Variants in TAS2R1 observed in about 807,000 individuals in gnomAD.
TAS2R1 encodes taste 2 receptor member 1, also known as taste receptor type 2 member 1.
For synonymous variants in TAS2R1, 141 were observed against 134.2 expected (o/e 1.05, Z -0.35); for missense variants, 370 against 353.4 (o/e 1.05, Z -0.38).
chr5:9,725,159 C>T, the TAS2R1 span, among the ~76,000 whole-genome samples: 4 of 152,240 alleles, frequency 2.6e-5, no homozygotes, highest in Admixed American at 6.5e-5. Flanking sequence ...GTGGTGACAG[C>T]GAGCCCTTGC....
At chr5:9,695,027 A>G (rs1430195254) in intron 1 of TAS2R1, among the ~76,000 whole-genome samples, 1 of 152,176 alleles carries the variant, frequency 6.6e-6, no homozygotes, top group African/African-American at 2.4e-5. Flanking sequence ...TCAAATCCCA[A>G]GGGCACTGTT....
the TAS2R1 span, among the ~76,000 whole-genome samples, chr5:9,876,585 T>G: frequency 1.3e-5 from 2 of 152,214 alleles, no homozygotes; most frequent in Admixed American, 6.5e-5. Context: ...GAACATTGCC[T>G]TTGCTGGTGG....
At chr5:9,870,812 G>T in the TAS2R1 span, among the ~76,000 whole-genome samples, 1 of 152,158 alleles carries the variant, frequency 6.6e-6, no homozygotes, top group African/African-American at 2.4e-5. Flanking sequence ...GGATGAATGA[G>T]AGGATCAAAT....
At chr5:9,850,113 C>G in the TAS2R1 span, among the ~76,000 whole-genome samples, 1 of 152,164 alleles carries the variant, frequency 6.6e-6, no homozygotes, top group African/African-American at 2.4e-5. Context: ...CTTTCCCACC[C>G]TCAAAGCGCA....
chr5:9,757,582 T>C, the TAS2R1 span, among the ~76,000 whole-genome samples: 1 of 152,208 alleles, frequency 6.6e-6, no homozygotes, highest in African/African-American at 2.4e-5. Context: ...CTCTTCAGCA[T>C]GTAGAATTAT....
At chr5:9,662,907 T>C (rs1209540348) in intron 1 of TAS2R1, among the ~76,000 whole-genome samples, 1 of 152,208 alleles carries the variant, frequency 6.6e-6, no homozygotes, top group Non-Finnish European at 1.5e-5. Flanking sequence ...AGGGATTCTA[T>C]CTACAAACTG....
At position 9,629,120 on chromosome 5, in the gene TAS2R1, T is replaced by C. The variant is rs1561363456; in HGVS notation, c.*13A>G. ...TTGAATCATGGGTTCTTTGAACTGA[T>C]CCAACTTCTCTCTCACTGACAGCAC... On this transcript the variant is annotated 3_prime_UTR_variant, in exon 1 of 1. Transcript: ENST00000382492. 2 of 1,535,034 alleles carry C rather than the reference T, an allele frequency of 1.3e-6. No individual in the cohort carries two copies. The highest frequency in any genetic ancestry group is 1.3e-5 in the South Asian group (1 of 76,862).
At chr5:9,782,414 C>T in the TAS2R1 span, among the ~76,000 whole-genome samples, 1 of 151,282 alleles carries the variant, frequency 6.6e-6, no homozygotes, top group Non-Finnish European at 1.5e-5. Flanking sequence ...AAACCTGATG[C>T]CCTTACCAAG....
intron 1 of TAS2R1, among the ~76,000 whole-genome samples, chr5:9,666,151 C>T (rs1435397908): frequency 6.6e-6 from 1 of 151,806 alleles, no homozygotes; most frequent in Non-Finnish European, 1.5e-5. Context: ...AGAGATTTTT[C>T]AAAATATGTT....
chr5:9,902,873 G>GA, the TAS2R1 span: 30 of 151,564 alleles, frequency 2.0e-4, no homozygotes, highest in African/African-American at 6.1e-4. Flanking sequence ...GGCTATCGGA[G>GA]AAAAAATCAC....
chr5:9,755,945 C>T, the TAS2R1 span, among the ~76,000 whole-genome samples: 2 of 152,162 alleles, frequency 1.3e-5, no homozygotes, highest in African/African-American at 4.8e-5. Flanking sequence ...GCTTTATCAG[C>T]AATGTCTTTA....
At chr5:9,830,960 T>C in the TAS2R1 span, among the ~76,000 whole-genome samples, 1 of 152,314 alleles carries the variant, frequency 6.6e-6, no homozygotes, top group Non-Finnish European at 1.5e-5. Flanking sequence ...TTCCTATGCA[T>C]ATGAATTTTT....
At chr5:9,743,808 C>A in the TAS2R1 span, among the ~76,000 whole-genome samples, 1 of 151,796 alleles carries the variant, frequency 6.6e-6, no homozygotes, top group African/African-American at 2.4e-5. Context: ...ATGGATGTTA[C>A]CAAAGGCAAG....
chr5:9,883,446 G>A, the TAS2R1 span: 4 of 152,220 alleles, frequency 2.6e-5, no homozygotes, highest in African/African-American at 9.7e-5. Context: ...AGGCTCAAAT[G>A]AGGGGAAAAC....
chr5:9,632,236 T>C (rs1262071726), upstream of TAS2R1, among the ~76,000 whole-genome samples: 2 of 152,236 alleles, frequency 1.3e-5, no homozygotes, highest in African/African-American at 4.8e-5. Flanking sequence ...AAGTGTGCAA[T>C]AGCACTATGT....
chr5:9,672,063 G>C (rs1364652377), intron 1 of TAS2R1, among the ~76,000 whole-genome samples: 1 of 152,132 alleles, frequency 6.6e-6, no homozygotes. Flanking sequence ...TTCAATAAAT[G>C]ATGGTGGGAT....
the TAS2R1 span, among the ~76,000 whole-genome samples, chr5:9,856,073 TC>T: frequency 3.9e-5 from 6 of 152,314 alleles, no homozygotes; most frequent in African/African-American, 1.4e-4. Flanking sequence ...AACTTGCATT[TC>T]TAACAATGGT....
the TAS2R1 span, among the ~76,000 whole-genome samples, chr5:9,777,801 C>T: frequency 6.6e-6 from 1 of 151,986 alleles, no homozygotes; most frequent in African/African-American, 2.4e-5. Flanking sequence ...CAGATTGATG[C>T]TGTGTTAGCA....
At chr5:9,856,302 G>T in the TAS2R1 span, among the ~76,000 whole-genome samples, 106,772 of 151,856 alleles carry the variant, frequency 0.7, 38,124 homozygotes, top group East Asian at 0.86. Context: ...ATCTCCCTTG[G>T]ATAGCACAAG....
Sources: gnomAD v4.1 joint callset for allele counts (sites outside exome capture counted in the v4.1 genomes callset) on GRCh38, gnomAD v4.1.1 for gene constraint, MANE v1.5 for transcripts, NCBI Gene and HGNC (gene_info 2026-07-23, HGNC 2026-07-21) for gene names.